POLE: variants seen among roughly 807,000 people sequenced by gnomAD.
The protein encoded by POLE is DNA polymerase epsilon catalytic subunit A.
POLE carries 188 observed loss-of-function variants against 279.2 expected under a neutral mutation model. That is an observed-to-expected ratio of 0.67 (90% CI 0.60 to 0.76). POLE has a LOEUF of 0.76. Among genes scored for constraint, POLE ranks in the 30% least tolerant of loss-of-function variants. The probability of loss-of-function intolerance (pLI) is 0.00; values close to 1 mark genes in which losing one functional copy is unlikely to be tolerated. For synonymous variants in POLE, 1,214 were observed against 1,172.5 expected, an observed-to-expected ratio of 1.04 and a Z score of -0.72; for missense variants, 2,703 against 3,016.7, an observed-to-expected ratio of 0.90 and a Z score of 2.44.
At chr12:132,680,574 GT>G in intron 3 of POLE, 32 bp downstream of exon 3, 2 of 1,531,434 alleles carry the variant, frequency 1.3e-6, no homozygotes, top group Non-Finnish European at 9.1e-7. Context: ...ACCCATAAAA[GT>G]GGGTTTTAGC....
rs1060500809 is a variant in POLE, at chr12:132,632,711, G to GCCC, written c.6086_6088dup (p.Gly2029dup). 6.2e-7 allele frequency: 1 copy of GCCC among 1,613,688 alleles called. No individual in the cohort carries two copies. Among genetic ancestry groups the GCCC allele is most frequent in the South Asian group, 1.1e-5 (1 of 91,060 alleles). ...CTCGGCCTCCTGGGAGAGCTGGCTG[G>GCCC]CCCCCCTCCTCCTCACGGGGGTGCT... On this transcript the variant is annotated inframe_insertion, in exon 44 of 49. Coordinates refer to ENST00000320574, the MANE Select transcript of POLE (RefSeq NM_006231.4).
chr12:132,649,667 TGTGCCTTACCTGGCTG>T lies in POLE; in HGVS notation c.3789_3795+9del. 1 of 1,613,570 alleles carries T rather than the reference TGTGCCTTACCTGGCTG, an allele frequency of 6.2e-7. No homozygotes were observed. The highest frequency in any genetic ancestry group is 8.5e-7 in the Non-Finnish European group (1 of 1,179,900). ...TCAGAGACAGACAGTATCACAGCTG[TGTGCCTTACCTGGCTG>T]GTTCCCAGGGCGGGAGGCTGCCCCA... On this transcript the variant is annotated splice_donor_variant and splice_donor_5th_base_variant and coding_sequence_variant and intron_variant, in exon 30 of 49. Coordinates refer to ENST00000320574, the MANE Select transcript of POLE (RefSeq NM_006231.4). LOFTEE classifies it high-confidence loss of function.
rs1555301052 is a variant in POLE, at chr12:132,625,654, C to T, written c.6648G>A (p.Leu2216=). ...GGCATGCACGACTCACCAGGTCCTG[C>T]AGGGTGAAGGCCATCAGCTTCTTCT... ...VLQKKLMAFT[L]QDLVCLKCRG... Residue 2216 remains leucine (L), a synonymous_variant, in exon 47 of 49, where the codon CTG becomes CTA. Transcript: ENST00000320574. The T allele has an allele frequency of 6.2e-7, 1 of 1,613,586 alleles. No homozygotes were observed.
intron 40 of POLE, 172 bp downstream of exon 40, chr12:132,638,953 T>TGCA (rs761093037): frequency 2.9e-4 from 181 of 627,734 alleles, no homozygotes; most frequent in African/African-American, 2.4e-3. Flanking sequence ...CAGGCGACGC[T>TGCA]GCAGCAGCAG....
Position 132,665,436 on chromosome 12 carries a change from CT to C in POLE, c.2333del (p.Lys778SerfsTer14). ...CGCCCACCTCCACGGCCGCCGAGAGCTTCTTTTTCCACACCTGAGAAGCACA... is the reference window on the plus strand; with the variant it reads ...CGCCCACCTCCACGGCCGCCGAGAGCTCTTTTTCCACACCTGAGAAGCACA... ...FKGLHKVWKK[K>X]LSAAVEVGDA... is the part of the protein sequence containing the mutation. On this transcript the variant is annotated frameshift_variant, in exon 21 of 49. Coordinates refer to ENST00000320574, the MANE Select transcript of POLE (RefSeq NM_006231.4). LOFTEE classifies it high-confidence loss of function. 6.2e-7 allele frequency: 1 copy of C among 1,611,074 alleles called. No homozygotes were observed. Among genetic ancestry groups the C allele is most frequent in the South Asian group, 1.1e-5 (1 of 91,084 alleles).
In POLE at chr12:132,632,106, T is replaced by C. The variant is rs5745029; in HGVS notation, c.6330+209A>G. 0.05 allele frequency among the ~76,000 whole-genome samples: 7,569 copies of C among 152,138 alleles called. 275 individuals are homozygous for C. The highest frequency in any genetic ancestry group is 0.13 in the Admixed American group (1,934 of 15,284). On this transcript the variant is annotated intron_variant, in intron 45 of 48. Transcript: ENST00000320574. ...CGCTGGCACCCTGACCCTACACATG[T>C]AGGTACCTCCCCCTTGCACAGCTGA...
Position 132,661,404 on chromosome 12 carries a change from G to GT in POLE, c.2864+122dup. 8.8e-7 allele frequency: 1 copy of GT among 1,142,834 alleles called. No individual in the cohort carries two copies. The highest frequency in any genetic ancestry group is 1.5e-5 in the South Asian group (1 of 67,070). 70.8% of individuals were successfully genotyped at this position (1,142,834 alleles called of 1,614,324 possible). A position where few individuals can be genotyped will look rare whatever the true frequency, so the allele number is the denominator to read the frequency against. On this transcript the variant is annotated intron_variant, in intron 24 of 48. Transcript: ENST00000320574. The surrounding 1 kb of genome is among the most constrained non-coding windows in gnomAD (Gnocchi z 4.1). ...GACAGAGCTGGTGCAAACGGAATCAGTAAGATCACAAGAACCCAGGTCTGT... is the reference window on the plus strand; with the variant it reads ...GACAGAGCTGGTGCAAACGGAATCAGTTAAGATCACAAGAACCCAGGTCTGT...
rs766489639 is a variant in POLE at position 132,638,316 on chromosome 12, A to C, written c.5553-177T>G. 5.7e-5 allele frequency: 25 copies of C among 439,832 alleles called. 1 individual carries two copies. The highest frequency in any genetic ancestry group is 9.2e-5 in the Non-Finnish European group (24 of 261,998). 27.2% of individuals were successfully genotyped at this position (439,832 alleles called of 1,614,324 possible). On this transcript the variant is annotated intron_variant, in intron 40 of 48. Coordinates refer to ENST00000320574, the MANE Select transcript of POLE (RefSeq NM_006231.4). ...GATTTCTGCATGGCAAAAATCCACCACAAACAAAGGCAAAAGATAACCAAA... is the reference window on the plus strand; with the variant it reads ...GATTTCTGCATGGCAAAAATCCACCCCAAACAAAGGCAAAAGATAACCAAA...
At position 132,649,747 on chromosome 12, in the gene POLE, G is replaced by C. The variant is rs373213156; in HGVS notation, c.3725C>G (p.Ser1242Cys). The change falls in exon 30 of 49, where the codon TCC becomes TGC. Residue 1242 changes from serine (S) to cysteine (C), a missense_variant. By Grantham distance (112) the Ser-to-Cys change is moderately radical. Around this residue, in one of 5 missense-constraint regions of POLE, gnomAD observed 1,551 missense variants for 1,686.1 expected, o/e 0.92. Coordinates refer to ENST00000320574, the MANE Select transcript of POLE (RefSeq NM_006231.4). ...KRVLWESQEESQDLTPTVPWQ... is the reference protein window; with the variant it reads ...KRVLWESQEECQDLTPTVPWQ... ...GGGCACAGTCGGCGTGAGGTCCTGG[G>C]ACTCCTCCTGGCTCTCCCAAAGAAC... 6.2e-6 allele frequency: 10 copies of C among 1,614,188 alleles called. No individual in the cohort carries two copies. The East Asian group carries it at 2.2e-4, about 36-fold the overall frequency.
At chr12:132,652,359 T>C (rs961409297) in intron 29 of POLE, among the ~76,000 whole-genome samples, 10 of 147,392 alleles carry the variant, frequency 6.8e-5, no homozygotes, top group African/African-American at 2.3e-4. Context: ...GGTCTCGCTC[T>C]GTCACCTAGG....
At chr12:132,628,981 GT>G (rs1442906407) in intron 45 of POLE, among the ~76,000 whole-genome samples, 3 of 152,198 alleles carry the variant, frequency 2.0e-5, no homozygotes, top group African/African-American at 7.2e-5. Flanking sequence ...TTTCTAGAAG[GT>G]TTTCAATTTA....
intron 46 of POLE, 70 bp from the exon 47 acceptor site, chr12:132,625,840 A>G: frequency 6.7e-7 from 1 of 1,491,052 alleles, no homozygotes; most frequent in Non-Finnish European, 9.2e-7. Context: ...GCAGGATCTC[A>G]GGAGAGGAAG....
intron 25 of POLE, chr12:132,660,527 TA>T (rs2138685005): frequency 6.5e-6 from 1 of 153,224 alleles, no homozygotes; most frequent in Admixed American, 6.5e-5. Context: ...TGGTAGTAAA[TA>T]ATCGTGGGCT....
Position 132,661,190 on chromosome 12 carries a change from CA to C in POLE, c.2865-27del. 6.4e-7 allele frequency: 1 copy of C among 1,560,826 alleles called. No homozygotes were observed. Among genetic ancestry groups the C allele is most frequent in the South Asian group, 1.2e-5 (1 of 84,642 alleles). On this transcript the variant is annotated intron_variant, in intron 24 of 48. Transcript: ENST00000320574. This position sits in a 1 kb window ranked among gnomAD's most constrained non-coding sequence, Gnocchi z 4.1. ...CTGAAAAAAAAAAAAAAGGCAAGCA[CA>C]GCAGTGGCAAGGAGCGCTGGGGAGC... is the stretch of plus-strand genomic sequence containing the variant.
At position 132,634,062 on chromosome 12, in the gene POLE, G is replaced by A. The variant is rs1177203835; in HGVS notation, c.6004+124C>T. The A allele has an allele frequency of 2.3e-6, 2 of 883,066 alleles. No individual in the cohort carries two copies. Among genetic ancestry groups the A allele is most frequent in the Non-Finnish European group, 1.8e-6 (1 of 568,298 alleles). 54.7% of individuals were successfully genotyped at this position (883,066 alleles called of 1,614,324 possible). The stretch of plus-strand genomic sequence containing the variant: ...CTCGGCTCACAAAGTCCCAACTGCT[G>A]GGCAGGCTCCGCCCGATCTGATTTT... On this transcript the variant is annotated intron_variant, in intron 43 of 48. Coordinates refer to ENST00000320574, the MANE Select transcript of POLE (RefSeq NM_006231.4). The surrounding 1 kb of genome is among the most constrained non-coding windows in gnomAD (Gnocchi z 4.0).
At chr12:132,673,380 C>T in intron 13 of POLE, 103 bp from the exon 14 acceptor site, 5 of 1,153,668 alleles carry the variant, frequency 4.3e-6, no homozygotes, top group Non-Finnish European at 6.5e-6. Context: ...CTGCCGCACA[C>T]ACAGTAAGGA....
At chr12:132,659,172 G>A (rs1297016767) in intron 26 of POLE, 123 bp downstream of exon 26, 8 of 1,000,174 alleles carry the variant, frequency 8.0e-6, no homozygotes, top group East Asian at 5.2e-5. Flanking sequence ...TTACCTCTCC[G>A]TGACAGGGCA....
intron 42 of POLE, 27 bp downstream of exon 42, chr12:132,635,865 T>C (rs770094685): frequency 1.3e-6 from 2 of 1,591,358 alleles, no homozygotes; most frequent in Non-Finnish European, 8.6e-7. Context: ...CAAAGCTGGC[T>C]CGGGTGCCAC....
At chr12:132,633,628 A>G (rs1019369732) in intron 43 of POLE, 5 of 152,384 alleles carry the variant, frequency 3.3e-5, no homozygotes, top group Non-Finnish European at 5.9e-5. Flanking sequence ...TACTTAGGGC[A>G]TTCTTTAACT....
Sources: gnomAD v4.1 joint callset for allele counts (sites outside exome capture counted in the v4.1 genomes callset) on GRCh38, gnomAD v4.1.1 for gene constraint, gnomAD v4.1.1 regional missense constraint, Gnocchi (gnomAD v3.1) non-coding constraint, MANE v1.5 for transcripts, NCBI Gene and HGNC (gene_info 2026-07-23, HGNC 2026-07-21) for gene names.